The following GUCY1A2 variants were observed in gnomAD, a reference collection of about 807,000 sequenced individuals.
The protein encoded by GUCY1A2 is guanylate cyclase 1 soluble subunit alpha 2.
A neutral mutation model predicts 63.5 loss-of-function variants in GUCY1A2; 27 were observed. That is an observed-to-expected ratio of 0.43 (90% CI 0.31 to 0.59). The LOEUF is 0.59. Ranked by LOEUF, GUCY1A2 falls within the 20% of genes least tolerant of loss-of-function variation. The pLI is 0.11. For missense variants in GUCY1A2, 768 were observed against 913.3 expected (o/e 0.84, Z 2.05); for synonymous variants, 364 against 343.5 (o/e 1.06, Z -0.66).
chr11:106,708,706 C>T, intron 6 of GUCY1A2, 40 bp from the exon 7 acceptor site: 1 of 1,406,236 alleles, frequency 7.1e-7, no homozygotes. Flanking sequence ...ATATTTGTTT[C>T]CATTTGGTAT....
rs1222872148 is a variant in GUCY1A2 at position 106,752,093 on chromosome 11, T to C, written c.1836+24346A>G. Among the ~76,000 whole-genome samples the C allele has an allele frequency of 2.0e-5, 3 of 152,334 alleles. No homozygotes were observed. In the South Asian group the frequency reaches 6.2e-4, roughly 32 times the overall value. ...CCAACAGTAAATTGTGACAAAGTTATCAGTTTCCTAAGGAAGAAGGAAGTA... is the reference window on the plus strand; with the variant it reads ...CCAACAGTAAATTGTGACAAAGTTACCAGTTTCCTAAGGAAGAAGGAAGTA... On this transcript the variant is annotated intron_variant, in intron 6 of 7. Coordinates refer to ENST00000526355, the MANE Select transcript of GUCY1A2 (RefSeq NM_000855.3).
chr11:106,895,832 C>T (rs1290619979), intron 4 of GUCY1A2, among the ~76,000 whole-genome samples: 1 of 151,886 alleles, frequency 6.6e-6, no homozygotes, highest in African/African-American at 2.4e-5. Context: ...TATCTTATAA[C>T]ATAAATGCAA....
chr11:106,859,013 C>T (rs974820218), intron 4 of GUCY1A2, among the ~76,000 whole-genome samples: 1 of 152,024 alleles, frequency 6.6e-6, no homozygotes, highest in African/African-American at 2.4e-5. Flanking sequence ...GTTATAAAAT[C>T]TGAAAACTGT....
At chr11:107,012,361 A>C (rs1304504037) in intron 1 of GUCY1A2, among the ~76,000 whole-genome samples, 1 of 152,146 alleles carries the variant, frequency 6.6e-6, no homozygotes, top group African/African-American at 2.4e-5. Flanking sequence ...AGAAAATGAA[A>C]AATTTAGATC....
intron 5 of GUCY1A2, among the ~76,000 whole-genome samples, chr11:106,787,201 A>AT (rs542095337): frequency 3.3e-5 from 5 of 151,814 alleles, no homozygotes; most frequent in South Asian, 2.1e-4. Context: ...CAATTAAATT[A>AT]TTTTTTACTA....
At position 106,926,145 on chromosome 11, in the gene GUCY1A2, C is replaced by T. The variant is rs111678024; in HGVS notation, c.1206+13315G>A. ...TAGAAATTTATCAGACTAGGCTGGG[C>T]GCAGTGGTTCACGTCTATAATCATA... On this transcript the variant is annotated intron_variant, in intron 4 of 7. Transcript: ENST00000526355. Among the ~76,000 whole-genome samples the T allele has an allele frequency of 5.9e-5, 9 of 152,158 alleles. 1 individual carries two copies. The highest frequency in any genetic ancestry group is 2.1e-4 in the South Asian group (1 of 4,818).
chr11:106,940,081 A>G lies in GUCY1A2; in HGVS notation c.585T>C (p.Thr195=). 1.2e-6 allele frequency: 2 copies of G among 1,613,178 alleles called. No homozygotes were observed. The highest frequency in any genetic ancestry group is 1.7e-6 in the Non-Finnish European group (2 of 1,179,120). ...NERVLRAVGG[T]LQDFFNGFDA... ...CAAAGCCGTTAAAAAAGTCCTGCAA[A>G]GTGCCACCTACAGCTCGAAGGACTC... Residue 195 remains threonine (T), a synonymous_variant, in exon 4 of 8, where the codon ACT becomes ACC. Coordinates refer to ENST00000526355, the MANE Select transcript of GUCY1A2 (RefSeq NM_000855.3).
chr11:107,013,939 T>C (rs971340650), intron 1 of GUCY1A2, among the ~76,000 whole-genome samples: 14 of 151,408 alleles, frequency 9.2e-5, no homozygotes, highest in Admixed American at 4.6e-4. Flanking sequence ...TTCCAAATGC[T>C]CTGCACAATA....
intron 1 of GUCY1A2, among the ~76,000 whole-genome samples, chr11:107,006,498 A>G (rs1228176548): frequency 6.6e-6 from 1 of 152,220 alleles, no homozygotes; most frequent in African/African-American, 2.4e-5. Context: ...TTCAAGGAAA[A>G]CAAGACAAGC....
At chr11:106,728,098 C>T (rs1305756253) in intron 6 of GUCY1A2, among the ~76,000 whole-genome samples, 1 of 152,180 alleles carries the variant, frequency 6.6e-6, no homozygotes. Context: ...AACTGTTTCT[C>T]TTAAAACACC....
intron 4 of GUCY1A2, among the ~76,000 whole-genome samples, chr11:106,859,773 T>C (rs1859484097): frequency 6.6e-6 from 1 of 151,960 alleles, no homozygotes; most frequent in Admixed American, 6.6e-5. Flanking sequence ...GATACACAAA[T>C]ATCATCATGT....
chr11:106,908,038 C>A (rs1860237588), intron 4 of GUCY1A2, among the ~76,000 whole-genome samples: 1 of 152,054 alleles, frequency 6.6e-6, no homozygotes, highest in Non-Finnish European at 1.5e-5. Flanking sequence ...ACAGAAACTT[C>A]AGTGTTAGTA....
chr11:106,959,045 C>T (rs1238124224), intron 3 of GUCY1A2, among the ~76,000 whole-genome samples: 1 of 152,074 alleles, frequency 6.6e-6, no homozygotes. Context: ...GGTGAGGCAA[C>T]CCTAGGAAAG....
intron 4 of GUCY1A2, among the ~76,000 whole-genome samples, chr11:106,931,106 A>G (rs191414037): frequency 7.7e-4 from 117 of 152,372 alleles, no homozygotes; most frequent in African/African-American, 2.7e-3. Flanking sequence ...ACAACTGCAT[A>G]GGAAGTACCT....
intron 4 of GUCY1A2, among the ~76,000 whole-genome samples, chr11:106,882,035 T>A (rs1859830976): frequency 6.6e-6 from 1 of 151,938 alleles, no homozygotes; most frequent in African/African-American, 2.4e-5. Context: ...CTGGAAATTT[T>A]CAAAAAGCGC....
chr11:106,676,840 C>T lies in GUCY1A2; in HGVS notation c.*10709G>A, dbSNP rs1862354739. 1 of 198,746 alleles carries T rather than the reference C, an allele frequency of 5.0e-6. No individual in the cohort carries two copies. The highest frequency in any genetic ancestry group is 1.0e-5 in the Non-Finnish European group (1 of 96,296). 12.3% of individuals were successfully genotyped at this position (198,746 alleles called of 1,614,324 possible). A position where few individuals can be genotyped will look rare whatever the true frequency, so the allele number is the denominator to read the frequency against. On this transcript the variant is annotated 3_prime_UTR_variant, in exon 8 of 8. Transcript: ENST00000526355. ...AATAAGAGGTTTTTCTAACTTAAGA[C>T]ATTTGTAAGGGGGTAAAAATAGGAG...
chr11:106,934,724 C>T (rs1339452946), intron 4 of GUCY1A2, among the ~76,000 whole-genome samples: 1 of 152,066 alleles, frequency 6.6e-6, no homozygotes, highest in East Asian at 1.9e-4. Context: ...AGTTCCAACC[C>T]TGAGAACAAA....
At chr11:106,912,716 A>G (rs1860312560) in intron 4 of GUCY1A2, among the ~76,000 whole-genome samples, 1 of 152,166 alleles carries the variant, frequency 6.6e-6, no homozygotes, top group Non-Finnish European at 1.5e-5. Flanking sequence ...TGGATGCTAT[A>G]ATAATGAAAA....
chr11:106,822,549 T>C (rs1858916753), intron 4 of GUCY1A2, among the ~76,000 whole-genome samples: 1 of 152,144 alleles, frequency 6.6e-6, no homozygotes, highest in African/African-American at 2.4e-5. Context: ...CCAGTTTCTA[T>C]TGTTCCCATC....
Sources: allele counts gnomAD v4.1 joint callset (sites outside exome capture counted in the v4.1 genomes callset), GRCh38; gene constraint gnomAD v4.1.1; transcripts MANE v1.5; gene names NCBI Gene and HGNC (gene_info 2026-07-23, HGNC 2026-07-21).